Variants in CHST14 observed in about 807,000 individuals in gnomAD.
The protein encoded by CHST14 is carbohydrate sulfotransferase 14, also known as carbohydrate (N-acetylgalactosamine 4-0) sulfotransferase 14.
Under a neutral mutation model 22.7 loss-of-function variants are expected in CHST14, and 13 were observed. That is an observed-to-expected ratio of 0.57 (90% CI 0.37 to 0.91). The LOEUF (loss-of-function observed/expected upper bound fraction) is 0.91. Ranked by LOEUF, CHST14 falls within the 40% of genes least tolerant of loss-of-function variation. CHST14 has a pLI of 0.01. For missense variants in CHST14, 466 were observed against 513.1 expected, an observed-to-expected ratio of 0.91 and a Z score of 0.89; for synonymous variants, 233 against 231.9, an observed-to-expected ratio of 1.00 and a Z score of -0.04.
In CHST14 at chr15:40,471,228, G is replaced by C; in HGVS notation, c.15G>C (p.Pro5=). 7.2e-7 allele frequency: 1 copy of C among 1,388,742 alleles called. No individual in the cohort carries two copies. The highest frequency in any genetic ancestry group is 9.3e-7 in the Non-Finnish European group (1 of 1,078,796). The allele number at this position is 1,388,742 out of a possible 1,614,324, so 86.0% of individuals were successfully genotyped here. A position where few individuals can be genotyped will look rare whatever the true frequency, so the allele number is the denominator to read the frequency against. MFPR[P]LTPLAAPNGA... Reference sequence around the variant, plus strand: ...CCTTGAGCACCATGTTCCCCCGCCCGCTGACCCCGCTGGCGGCCCCAAATG... The same window carrying C: ...CCTTGAGCACCATGTTCCCCCGCCCCCTGACCCCGCTGGCGGCCCCAAATG... The change falls in exon 1 of 1, where the codon CCG becomes CCC. Residue 5 remains proline (P), a synonymous_variant. Transcript: ENST00000306243. The surrounding 1 kb of genome is among the most constrained non-coding windows in gnomAD (Gnocchi z 6.4).
rs1309808555 is a variant in CHST14 at position 40,472,544 on chromosome 15, C to T, written c.*200C>T. On this transcript the variant is annotated 3_prime_UTR_variant, in exon 1 of 1. Transcript: ENST00000306243. ...AGGACAGGGCTAGGCAGGAGACCTGCTGCTCCTCATTGGGGGGATCTCTTG... is the reference window on the plus strand; with the variant it reads ...AGGACAGGGCTAGGCAGGAGACCTGTTGCTCCTCATTGGGGGGATCTCTTG... 2 of 609,338 alleles carry T rather than the reference C, an allele frequency of 3.3e-6. No individual in the cohort carries two copies. The highest frequency in any genetic ancestry group is 5.9e-6 in the Non-Finnish European group (2 of 341,494). The allele number at this position is 609,338 out of a possible 1,614,324, so 37.7% of individuals were successfully genotyped here.
In CHST14 at chr15:40,472,331, CGTGTCAGCAGTGACCATGGGTGTG is replaced by C. The variant is rs1423810645; in HGVS notation, c.1120_*12del. The C allele has an allele frequency of 1.3e-6, 2 of 1,596,248 alleles. No individual in the cohort carries two copies. The highest frequency in any genetic ancestry group is 1.7e-6 in the Non-Finnish European group (2 of 1,169,362). On this transcript the variant is annotated stop_lost and 3_prime_UTR_variant, in exon 1 of 1. Transcript: ENST00000306243. The stretch of plus-strand genomic sequence containing the variant: ...CCACTGCCTAATGTCACCAAGGAGG[CGTGTCAGCAGTGACCATGGGTGTG>C]GGGCCAGCAGCTGGTGGGGACTGGT...
chr15:40,471,100 C>A lies in CHST14; in HGVS notation c.-114C>A. The A allele has an allele frequency of 2.0e-5, 7 of 345,506 alleles. No individual in the cohort carries two copies. Among genetic ancestry groups the A allele is most frequent in the Admixed American group, 5.3e-5 (1 of 19,006 alleles). 21.4% of individuals were successfully genotyped at this position (345,506 alleles called of 1,614,324 possible). A position where few individuals can be genotyped will look rare whatever the true frequency, so the allele number is the denominator to read the frequency against. On this transcript the variant is annotated 5_prime_UTR_variant, in exon 1 of 1. Transcript: ENST00000306243. The surrounding 1 kb of genome is among the most constrained non-coding windows in gnomAD (Gnocchi z 6.4). The stretch of plus-strand genomic sequence containing the variant: ...ACGCGCCAGGGCTGTCCCCTGCCCT[C>A]CCCTCCCCAACTACCCCCGGTCCCA...
In CHST14 at chr15:40,471,304, CGGGCGGGGCTGGGT is replaced by C. The variant is rs1566969025; in HGVS notation, c.96_109del (p.Gly33AlafsTer108). 6.5e-7 allele frequency: 1 copy of C among 1,532,894 alleles called. No individual in the cohort carries two copies. Among genetic ancestry groups the C allele is most frequent in the Non-Finnish European group, 8.7e-7 (1 of 1,145,420 alleles). The allele number at this position is 1,532,894 out of a possible 1,614,324, so 95.0% of individuals were successfully genotyped here. On this transcript the variant is annotated frameshift_variant, in exon 1 of 1. Transcript: ENST00000306243. LOFTEE classifies it high-confidence loss of function. The surrounding 1 kb of genome is among the most constrained non-coding windows in gnomAD (Gnocchi z 6.4). ...GAGGCGGGCCCCTCTGGGCAGGGCC[CGGGCGGGGCTGGGT>C]GGGCCGCCCCTGCTGCTGCCGTCCA...
rs1489301651 is a variant in CHST14, at chr15:40,471,513, G to A, written c.300G>A (p.Ala100=). The A allele has an allele frequency of 6.2e-7, 1 of 1,600,386 alleles. No homozygotes were observed. The highest frequency in any genetic ancestry group is 1.3e-5 in the African/African-American group (1 of 74,864). Residue 100 remains alanine, a synonymous_variant, in exon 1 of 1, where the codon GCG becomes GCA. Transcript: ENST00000306243. This position sits in a 1 kb window ranked among gnomAD's most constrained non-coding sequence, Gnocchi z 6.4. ...GCCTGTCCCTCAGGGCTGGGGACGCGGACTTGCAAGTGCGGCAGGACGTCC... is the reference window on the plus strand; with the variant it reads ...GCCTGTCCCTCAGGGCTGGGGACGCAGACTTGCAAGTGCGGCAGGACGTCC... ...PGGLSLRAGD[A]DLQVRQDVRN...
In CHST14 at chr15:40,472,229, A is replaced by T. The variant is rs1160619223; in HGVS notation, c.1016A>T (p.His339Leu). The T allele has an allele frequency of 1.2e-6, 2 of 1,613,810 alleles. No individual in the cohort carries two copies. Among genetic ancestry groups the T allele is most frequent in the Non-Finnish European group, 1.7e-6 (2 of 1,179,830 alleles). The change falls in exon 1 of 1, where the codon CAC becomes CTC. Residue 339 changes from histidine (H) to leucine (L), a missense_variant. Physicochemically the swap from His to Leu is moderately conservative, Grantham distance 99. Coordinates refer to ENST00000306243, the MANE Select transcript of CHST14 (RefSeq NM_130468.4). ...GCCAGCCCCGAAAGCCTGCATTACCACTTGTGCAGTGCCCCCCGGGCCCTG... is the reference window on the plus strand; with the variant it reads ...GCCAGCCCCGAAAGCCTGCATTACCTCTTGTGCAGTGCCCCCCGGGCCCTG... ...RPASPESLHYHLCSAPRALLQ... is the reference protein window; with the variant it reads ...RPASPESLHYLLCSAPRALLQ...
rs1334251425 is a variant in CHST14, at chr15:40,471,990, A to G, written c.777A>G (p.Thr259=). 2 of 1,614,138 alleles carry G rather than the reference A, an allele frequency of 1.2e-6. No individual in the cohort carries two copies. The highest frequency in any genetic ancestry group is 4.5e-5 in the East Asian group (2 of 44,876). The part of the protein sequence containing the change: ...AGPSPAGDDV[T]FPEFLRYLVD... ...CCAGCCCTGCAGGCGACGATGTCAC[A>G]TTCCCCGAGTTCCTGAGATACCTGG... Residue 259 remains threonine, a synonymous_variant, in exon 1 of 1, where the codon ACA becomes ACG. Coordinates refer to ENST00000306243, the MANE Select transcript of CHST14 (RefSeq NM_130468.4). This position sits in a 1 kb window ranked among gnomAD's most constrained non-coding sequence, Gnocchi z 6.4.
Position 40,471,126 on chromosome 15 carries a change from G to T in CHST14, c.-88G>T, listed in dbSNP as rs1218701505. ...CCCTCCCCAACTACCCCCGGTCCCA[G>T]ACCCTCCTCCCGCCCCCAGCCCGAG... On this transcript the variant is annotated 5_prime_UTR_variant, in exon 1 of 1. Coordinates refer to ENST00000306243, the MANE Select transcript of CHST14 (RefSeq NM_130468.4). This position sits in a 1 kb window ranked among gnomAD's most constrained non-coding sequence, Gnocchi z 6.4. 2.7e-5 allele frequency: 8 copies of T among 292,102 alleles called. No homozygotes were observed. Among genetic ancestry groups the T allele is most frequent in the African/African-American group, 1.9e-4 (8 of 41,168 alleles). The allele number at this position is 292,102 out of a possible 1,614,324, so 18.1% of individuals were successfully genotyped here.
Position 40,471,853 on chromosome 15 carries a change from G to A in CHST14, c.640G>A (p.Glu214Lys), listed in dbSNP as rs1421177025. 4 of 1,613,922 alleles carry A rather than the reference G, an allele frequency of 2.5e-6. No homozygotes were observed. In the African/African-American group the frequency reaches 4.0e-5, roughly 16 times the overall value. ...QHYFKFLFVR[E>K]PLERLLSAYR... is the part of the protein sequence containing the mutation. ...CTACTTTAAGTTCCTGTTTGTGCGG[G>A]AGCCCTTGGAACGCCTCCTCTCTGC... Residue 214 changes from glutamate (E) to lysine (K), a missense_variant, in exon 1 of 1, where the codon GAG (glutamate) becomes AAG (lysine). By Grantham distance (56) the Glu-to-Lys change is moderately conservative. Coordinates refer to ENST00000306243, the MANE Select transcript of CHST14 (RefSeq NM_130468.4). The surrounding 1 kb of genome is among the most constrained non-coding windows in gnomAD (Gnocchi z 6.4).
At position 40,472,146 on chromosome 15, in the gene CHST14, G is replaced by C. The variant is rs927457735; in HGVS notation, c.933G>C (p.Glu311Asp). Residue 311 changes from glutamate (E) to aspartate (D), a missense_variant, in exon 1 of 1, where the codon GAG becomes GAC. By Grantham distance (45) the Glu-to-Asp change is conservative (BLOSUM62 2). Transcript: ENST00000306243. ...RLEADANQVL[E>D]WVRAPPHVRF... is the part of the protein sequence containing the mutation. ...AGGCTGATGCAAATCAGGTGCTGGA[G>C]TGGGTACGGGCACCACCTCACGTCC... 3.7e-6 allele frequency: 6 copies of C among 1,614,052 alleles called. No homozygotes were observed. The Admixed American group carries it at 8.3e-5, about 22-fold the overall frequency.
Position 40,471,316 on chromosome 15 carries a change from G to T in CHST14, c.103G>T (p.Gly35Cys). 1 of 1,537,368 alleles carries T rather than the reference G, an allele frequency of 6.5e-7. No homozygotes were observed. The highest frequency in any genetic ancestry group is 8.7e-7 in the Non-Finnish European group (1 of 1,147,172). ...APLGRARAGL[G>C]GPPLLLPSML... ...TCTGGGCAGGGCCCGGGCGGGGCTG[G>T]GTGGGCCGCCCCTGCTGCTGCCGTC... Residue 35 changes from glycine (G) to cysteine (C), a missense_variant, in exon 1 of 1, where the codon GGT (glycine) becomes TGT (cysteine). By Grantham distance (159) the Gly-to-Cys change is radical. Transcript: ENST00000306243. The surrounding 1 kb of genome is among the most constrained non-coding windows in gnomAD (Gnocchi z 6.4).
Position 40,471,538 on chromosome 15 carries a change from C to A in CHST14, c.325C>A (p.Arg109=), listed in dbSNP as rs201632751. ...GGACTTGCAAGTGCGGCAGGACGTC[C>A]GGAACAGGACCCTGCGGGCGGTGTG... is the stretch of plus-strand genomic sequence containing the variant. ...DADLQVRQDV[R]NRTLRAVCGQ... is the part of the protein sequence containing the mutation. The change falls in exon 1 of 1, where the codon CGG becomes AGG. Residue 109 remains arginine (R), a synonymous_variant. Coordinates refer to ENST00000306243, the MANE Select transcript of CHST14 (RefSeq NM_130468.4). The surrounding 1 kb of genome is among the most constrained non-coding windows in gnomAD (Gnocchi z 6.4). 7.5e-6 allele frequency: 12 copies of A among 1,601,620 alleles called. No individual in the cohort carries two copies. The highest frequency in any genetic ancestry group is 1.0e-5 in the Non-Finnish European group (12 of 1,175,380).
In CHST14 at chr15:40,471,767, G is replaced by A; in HGVS notation, c.554G>A (p.Arg185His). 1 of 1,613,676 alleles carries A rather than the reference G, an allele frequency of 6.2e-7. No individual in the cohort carries two copies. The change falls in exon 1 of 1, where the codon CGC becomes CAC. Residue 185 changes from arginine to histidine, a missense_variant. Coordinates refer to ENST00000306243, the MANE Select transcript of CHST14 (RefSeq NM_130468.4). The surrounding 1 kb of genome is among the most constrained non-coding windows in gnomAD (Gnocchi z 6.4). Reference sequence around the variant, plus strand: ...GACGTCCGCCTCAAGATGGACCACCGCAGTGACCTGGTGTTCCTGGCCGAC... The same window carrying A: ...GACGTCCGCCTCAAGATGGACCACCACAGTGACCTGGTGTTCCTGGCCGAC... ...SVDVRLKMDH[R>H]SDLVFLADLR...
rs1894364180 is a variant in CHST14 at position 40,472,412 on chromosome 15, C to T, written c.*68C>T. ...GCCAGCTTTCTGTGCTTCTGCCTGT[C>T]ATTCGGAGAAACTCTGGCTCTGGGG... is the stretch of plus-strand genomic sequence containing the variant. On this transcript the variant is annotated 3_prime_UTR_variant, in exon 1 of 1. Coordinates refer to ENST00000306243, the MANE Select transcript of CHST14 (RefSeq NM_130468.4). 4 of 1,506,078 alleles carry T rather than the reference C, an allele frequency of 2.7e-6. No individual in the cohort carries two copies. The highest frequency in any genetic ancestry group is 2.1e-5 in the Admixed American group (1 of 46,904). 93.3% of individuals were successfully genotyped at this position (1,506,078 alleles called of 1,614,324 possible). A position where few individuals can be genotyped will look rare whatever the true frequency, so the allele number is the denominator to read the frequency against.
At position 40,472,399 on chromosome 15, in the gene CHST14, T is replaced by C; in HGVS notation, c.*55T>C. On this transcript the variant is annotated 3_prime_UTR_variant, in exon 1 of 1. Transcript: ENST00000306243. The stretch of plus-strand genomic sequence containing the variant: ...GACTGGTTTCAACGCCAGCTTTCTG[T>C]GCTTCTGCCTGTCATTCGGAGAAAC... 3.3e-6 allele frequency: 5 copies of C among 1,528,164 alleles called. No homozygotes were observed. Among genetic ancestry groups the C allele is most frequent in the Non-Finnish European group, 4.4e-6 (5 of 1,134,404 alleles). 94.7% of individuals were successfully genotyped at this position (1,528,164 alleles called of 1,614,324 possible). A position where few individuals can be genotyped will look rare whatever the true frequency, so the allele number is the denominator to read the frequency against.
At position 40,471,531 on chromosome 15, in the gene CHST14, G is replaced by A. The variant is rs1351996669; in HGVS notation, c.318G>A (p.Gln106=). The change falls in exon 1 of 1, where the codon CAG becomes CAA. Residue 106 remains glutamine (Q), a synonymous_variant. Coordinates refer to ENST00000306243, the MANE Select transcript of CHST14 (RefSeq NM_130468.4). The surrounding 1 kb of genome is among the most constrained non-coding windows in gnomAD (Gnocchi z 6.4). ...RAGDADLQVR[Q]DVRNRTLRAV... is the part of the protein sequence containing the mutation. Reference sequence around the variant, plus strand: ...GGGACGCGGACTTGCAAGTGCGGCAGGACGTCCGGAACAGGACCCTGCGGG... The same window carrying A: ...GGGACGCGGACTTGCAAGTGCGGCAAGACGTCCGGAACAGGACCCTGCGGG... 1.9e-6 allele frequency: 3 copies of A among 1,601,564 alleles called. No homozygotes were observed. The highest frequency in any genetic ancestry group is 3.3e-5 in the Admixed American group (2 of 59,730).
Position 40,472,213 on chromosome 15 carries a change from G to A in CHST14, c.1000G>A (p.Glu334Lys), listed in dbSNP as rs1207935361. 4 of 1,613,984 alleles carry A rather than the reference G, an allele frequency of 2.5e-6. No homozygotes were observed. The highest frequency in any genetic ancestry group is 2.7e-5 in the African/African-American group (2 of 74,918). ...RQAWYRPASP[E>K]SLHYHLCSAP... The stretch of plus-strand genomic sequence containing the variant: ...GGCCTGGTACCGGCCAGCCAGCCCC[G>A]AAAGCCTGCATTACCACTTGTGCAG... Residue 334 changes from glutamate (E) to lysine (K), a missense_variant, in exon 1 of 1, where the codon GAA becomes AAA. Coordinates refer to ENST00000306243, the MANE Select transcript of CHST14 (RefSeq NM_130468.4).
In CHST14 at chr15:40,472,687, A is replaced by G. The variant is rs943216561; in HGVS notation, c.*343A>G. Reference sequence around the variant, plus strand: ...TCTACCTTAATTTAACCTGTGGCCAAACTCAGAGATGGTACCAGCCAGGGG... The same window carrying G: ...TCTACCTTAATTTAACCTGTGGCCAGACTCAGAGATGGTACCAGCCAGGGG... On this transcript the variant is annotated 3_prime_UTR_variant, in exon 1 of 1. Coordinates refer to ENST00000306243, the MANE Select transcript of CHST14 (RefSeq NM_130468.4). 7.1e-6 allele frequency: 2 copies of G among 280,140 alleles called. No individual in the cohort carries two copies. The highest frequency in any genetic ancestry group is 1.4e-5 in the Non-Finnish European group (2 of 138,908). The allele number at this position is 280,140 out of a possible 1,614,324, so 17.4% of individuals were successfully genotyped here.
At position 40,471,360 on chromosome 15, in the gene CHST14, G is replaced by T; in HGVS notation, c.147G>T (p.Val49=). Residue 49 remains valine (V), a synonymous_variant, in exon 1 of 1, where the codon GTG becomes GTT. Transcript: ENST00000306243. The surrounding 1 kb of genome is among the most constrained non-coding windows in gnomAD (Gnocchi z 6.4). The stretch of plus-strand genomic sequence containing the variant: ...TGCCGTCCATGCTGATGTTTGCGGT[G>T]ATCGTGGCCTCCAGCGGGCTGCTGC... The part of the protein sequence containing the change: ...LLLPSMLMFA[V]IVASSGLLLM... The T allele has an allele frequency of 6.4e-7, 1 of 1,554,366 alleles. No homozygotes were observed. The highest frequency in any genetic ancestry group is 8.7e-7 in the Non-Finnish European group (1 of 1,154,522).
Sources: allele counts gnomAD v4.1 joint callset, GRCh38; gene constraint gnomAD v4.1.1; non-coding constraint Gnocchi (gnomAD v3.1); transcripts MANE v1.5; gene names NCBI Gene and HGNC (gene_info 2026-07-23, HGNC 2026-07-21).